ITFG1: variants seen among roughly 807,000 people sequenced by gnomAD.
ITFG1 encodes T-cell immunomodulatory protein.
Under a neutral mutation model 81.8 loss-of-function variants are expected in ITFG1, and 34 were observed. That is an observed-to-expected ratio of 0.42 (90% CI 0.32 to 0.55). ITFG1 has a LOEUF of 0.55. Among genes scored for constraint, ITFG1 ranks in the 20% least tolerant of loss-of-function variants. The pLI, the probability that ITFG1 is intolerant of heterozygous loss-of-function variation, is 0.17. For synonymous variants in ITFG1, 285 were observed against 270.6 expected, an observed-to-expected ratio of 1.05 and a Z score of -0.52; for missense variants, 672 against 755.4, an observed-to-expected ratio of 0.89 and a Z score of 1.29.
intron 7 of ITFG1, among the ~76,000 whole-genome samples, chr16:47,366,619 C>A (rs1408733797): frequency 6.6e-6 from 1 of 152,124 alleles, no homozygotes; most frequent in Non-Finnish European, 1.5e-5. Context: ...GATTATTACA[C>A]AAGAAAAAGA....
intron 6 of ITFG1, among the ~76,000 whole-genome samples, chr16:47,408,236 T>G (rs1160089787): frequency 1.3e-5 from 2 of 152,178 alleles, no homozygotes; most frequent in Admixed American, 6.5e-5. Context: ...TAATTTTGAA[T>G]TTGATGAATG....
rs183781884 is a variant in ITFG1 at position 47,245,068 on chromosome 16, C to T, written c.1331-7060G>A. ...TTCCTTTTAAAAAACATTTTTAGGC[C>T]GGGTGCGGTGGCTCATGCCTGTAAT... On this transcript the variant is annotated intron_variant, in intron 12 of 17. Transcript: ENST00000320640. Among the ~76,000 whole-genome samples the T allele has an allele frequency of 6.0e-4, 92 of 152,216 alleles. 1 individual carries two copies. The highest frequency in any genetic ancestry group is 4.9e-3 in the Admixed American group (75 of 15,292).
At chr16:47,347,918 T>C (rs1269111517) in intron 8 of ITFG1, among the ~76,000 whole-genome samples, 1 of 152,238 alleles carries the variant, frequency 6.6e-6, no homozygotes, top group Non-Finnish European at 1.5e-5. Flanking sequence ...TTCACTGTTC[T>C]GCAGCCTCCA....
chr16:47,218,048 T>C (rs1473044165), intron 14 of ITFG1: 2 of 152,244 alleles, frequency 1.3e-5, no homozygotes, highest in Non-Finnish European at 2.9e-5. Context: ...CTTAAATGTG[T>C]GCAATTAGCT....
At chr16:47,224,823 C>A (rs1470361267) in intron 13 of ITFG1, among the ~76,000 whole-genome samples, 1 of 152,038 alleles carries the variant, frequency 6.6e-6, no homozygotes, top group Non-Finnish European at 1.5e-5. Flanking sequence ...TATGGGGAGG[C>A]CCTGTCTCCA....
chr16:47,443,504 G>T (rs916786499), intron 5 of ITFG1, among the ~76,000 whole-genome samples: 3 of 152,022 alleles, frequency 2.0e-5, no homozygotes, highest in African/African-American at 4.8e-5. Flanking sequence ...AACCCAAATG[G>T]CCAAAAATGA....
intron 5 of ITFG1, among the ~76,000 whole-genome samples, chr16:47,430,943 T>C (rs1037366831): frequency 3.3e-5 from 5 of 152,204 alleles, no homozygotes; most frequent in African/African-American, 9.6e-5. Context: ...AGTGGATAAA[T>C]GGATAAACAA....
At chr16:47,350,247 C>T (rs1040920381) in intron 8 of ITFG1, among the ~76,000 whole-genome samples, 2 of 152,030 alleles carry the variant, frequency 1.3e-5, no homozygotes, top group Non-Finnish European at 2.9e-5. Flanking sequence ...GACAAAAAAA[C>T]CCTTCAAAAC....
chr16:47,180,672 C>T (rs575510060), intron 14 of ITFG1, among the ~76,000 whole-genome samples: 5 of 152,300 alleles, frequency 3.3e-5, no homozygotes, highest in East Asian at 1.9e-4. Context: ...GACGGAGTCT[C>T]GTTCACTCAG....
At chr16:47,439,584 T>A (rs1969217521) in intron 5 of ITFG1, among the ~76,000 whole-genome samples, 1 of 152,044 alleles carries the variant, frequency 6.6e-6, no homozygotes, top group South Asian at 2.1e-4. Flanking sequence ...CCAGCAAAAC[T>A]AAGCTTCATA....
chr16:47,287,019 T>C (rs558235897), intron 10 of ITFG1, among the ~76,000 whole-genome samples: 1 of 152,270 alleles, frequency 6.6e-6, no homozygotes, highest in South Asian at 2.1e-4. Flanking sequence ...GTTCAAAAGT[T>C]TGGCTTTTTG....
intron 8 of ITFG1, among the ~76,000 whole-genome samples, chr16:47,358,440 A>G (rs1968068624): frequency 6.6e-6 from 1 of 152,208 alleles, no homozygotes; most frequent in Admixed American, 6.5e-5. Flanking sequence ...TCTACTGGTC[A>G]GAATTCATGA....
intron 8 of ITFG1, among the ~76,000 whole-genome samples, chr16:47,344,137 C>T (rs1054701825): frequency 4.6e-5 from 7 of 151,992 alleles, no homozygotes; most frequent in Admixed American, 6.5e-5. Flanking sequence ...TATTGCTTAA[C>T]GGTTATTGAG....
At chr16:47,396,948 A>G (rs1040220598) in intron 6 of ITFG1, among the ~76,000 whole-genome samples, 1 of 152,194 alleles carries the variant, frequency 6.6e-6, no homozygotes, top group African/African-American at 2.4e-5. Context: ...GAAATCACCT[A>G]AAATGATGAC....
chr16:47,314,192 A>G (rs1401405705), intron 8 of ITFG1, among the ~76,000 whole-genome samples: 1 of 152,214 alleles, frequency 6.6e-6, no homozygotes, highest in Non-Finnish European at 1.5e-5. Flanking sequence ...AGTTGAAATT[A>G]TAAAAAGAAA....
chr16:47,164,713 A>C (rs1964864715), intron 14 of ITFG1, among the ~76,000 whole-genome samples: 1 of 152,266 alleles, frequency 6.6e-6, no homozygotes, highest in Non-Finnish European at 1.5e-5. Flanking sequence ...TGCCCTAGTC[A>C]AATGAAATAG....
At chr16:47,184,007 C>T (rs1163266592) in intron 14 of ITFG1, among the ~76,000 whole-genome samples, 10 of 151,876 alleles carry the variant, frequency 6.6e-5, no homozygotes, top group Non-Finnish European at 1.3e-4. Flanking sequence ...CCTCAGGAGC[C>T]GATGCGATCA....
intron 14 of ITFG1, among the ~76,000 whole-genome samples, chr16:47,194,737 T>C (rs1965336032): frequency 6.6e-6 from 1 of 152,078 alleles, no homozygotes; most frequent in Non-Finnish European, 1.5e-5. Flanking sequence ...TATTTTAAGT[T>C]CCGGGATATA....
At chr16:47,352,991 T>C (rs990468759) in intron 8 of ITFG1, among the ~76,000 whole-genome samples, 2 of 150,692 alleles carry the variant, frequency 1.3e-5, no homozygotes, top group East Asian at 2.0e-4. Context: ...TTCTCACTCA[T>C]AGGTGGGAAT....
Sources: allele counts gnomAD v4.1 joint callset (sites outside exome capture counted in the v4.1 genomes callset), GRCh38; gene constraint gnomAD v4.1.1; transcripts MANE v1.5; gene names NCBI Gene and HGNC (gene_info 2026-07-23, HGNC 2026-07-21).